Variants in CA5A observed in about 807,000 individuals in gnomAD.
CA5A encodes the protein carbonic anhydrase 5A, mitochondrial.
CA5A carries 28 observed loss-of-function variants against 37.1 expected under a neutral mutation model. The observed-to-expected ratio is 0.75, with a 90% CI of 0.56 to 1.03. The LOEUF (loss-of-function observed/expected upper bound fraction) is 1.03, where lower values mean the gene tolerates loss of function less well. CA5A is among the 50% of genes least tolerant of loss of function. The pLI, the probability that CA5A is intolerant of heterozygous loss-of-function variation, is 0.00. For synonymous variants in CA5A, 171 were observed against 158.4 expected (o/e 1.08, Z -0.60); for missense variants, 444 against 399.9 (o/e 1.11, Z -0.94).
At chr16:87,917,729 A>ATGTATACACAGTG (rs1567530486) in intron 2 of CA5A, among the ~76,000 whole-genome samples, 2,871 of 125,972 alleles carry the variant, frequency 0.023, 43 homozygotes, top group African/African-American at 0.057. Flanking sequence ...ACGTGCACAC[A>ATGTATACACAGTG]CACATGAACA....
intron 2 of CA5A, among the ~76,000 whole-genome samples, chr16:87,917,550 A>G (rs1567530241): frequency 6.6e-6 from 1 of 152,242 alleles, no homozygotes; most frequent in Non-Finnish European, 1.5e-5. Context: ...GAGGGAAGAA[A>G]CAGGAGCTAC....
At chr16:87,922,992 G>A (rs937007507) in intron 2 of CA5A, among the ~76,000 whole-genome samples, 1 of 152,236 alleles carries the variant, frequency 6.6e-6, no homozygotes, top group Admixed American at 6.5e-5. Flanking sequence ...TGGTGCAAGT[G>A]AAGCCCTTGG....
rs965963849 is a variant in CA5A, at chr16:87,894,138, A to AT, written c.619-2185dup. The stretch of plus-strand genomic sequence containing the variant: ...CTATTTATAACTTTTTATTTTTTTT[A>AT]TTTTTTTTGAGGCAGAGTCTCACTC... On this transcript the variant is annotated intron_variant, in intron 5 of 6. Transcript: ENST00000649794. 2.4e-3 allele frequency among the ~76,000 whole-genome samples: 362 copies of AT among 151,192 alleles called. 8 individuals carry two copies. The highest frequency in any genetic ancestry group is 4.9e-4 in the Non-Finnish European group (33 of 67,752).
chr16:87,906,724 G>A (rs2055967074), intron 2 of CA5A, among the ~76,000 whole-genome samples: 1 of 152,192 alleles, frequency 6.6e-6, no homozygotes, highest in Non-Finnish European at 1.5e-5. Flanking sequence ...GCAAGTGCTG[G>A]ACCAAGCCAC....
chr16:87,897,078 G>C (rs2055813545), intron 5 of CA5A, among the ~76,000 whole-genome samples: 1 of 152,244 alleles, frequency 6.6e-6, no homozygotes, highest in Non-Finnish European at 1.5e-5. Flanking sequence ...TGGCGGTAAT[G>C]GGCTTCCATC....
At chr16:87,914,832 G>A (rs1460909136) in intron 2 of CA5A, among the ~76,000 whole-genome samples, 6 of 152,330 alleles carry the variant, frequency 3.9e-5, no homozygotes, top group Non-Finnish European at 7.4e-5. Context: ...CCTAGGCAAG[G>A]TTCTCATTCC....
At chr16:87,883,461 G>C (rs576980648), downstream of CA5A, 2 of 150,888 alleles carry the variant, frequency 1.3e-5, no homozygotes, top group African/African-American at 4.9e-5. Context: ...CTCCCGAGTC[G>C]CTGGGACTAC....
chr16:87,898,574 G>C (rs191724892), intron 5 of CA5A, among the ~76,000 whole-genome samples: 3 of 152,148 alleles, frequency 2.0e-5, no homozygotes, highest in Non-Finnish European at 4.4e-5. Flanking sequence ...GTGGATTTTC[G>C]TTTCGTGACG....
At chr16:87,888,981 G>A (rs553350774) in intron 6 of CA5A, among the ~76,000 whole-genome samples, 1 of 149,914 alleles carries the variant, frequency 6.7e-6, no homozygotes, top group South Asian at 2.1e-4. Context: ...GTGCAATGGT[G>A]TGATCTTTGC....
At chr16:87,915,689 CAAAAAAA>C (rs10593708) in intron 2 of CA5A, among the ~76,000 whole-genome samples, 55 of 83,618 alleles carry the variant, frequency 6.6e-4, no homozygotes, top group African/African-American at 1.1e-3. Flanking sequence ...ATCCTGTCTC[CAAAAAAA>C]AAAAAAAAAA....
At chr16:87,901,102 C>T (rs2055871520) in intron 5 of CA5A, among the ~76,000 whole-genome samples, 2 of 152,110 alleles carry the variant, frequency 1.3e-5, no homozygotes, top group Admixed American at 6.6e-5. Flanking sequence ...TGGTGGCGCA[C>T]ACCTATTGTC....
At chr16:87,887,812 C>A (rs2055660831), downstream of CA5A, 2 of 238,742 alleles carry the variant, frequency 8.4e-6, no homozygotes, top group South Asian at 1.9e-4. Flanking sequence ...TGGTGTCGGG[C>A]TTCTGGCTCA....
chr16:87,916,958 A>T (rs1216994528), intron 2 of CA5A, among the ~76,000 whole-genome samples: 1 of 152,022 alleles, frequency 6.6e-6, no homozygotes, highest in African/African-American at 2.4e-5. Context: ...AACAAAAATT[A>T]GCCAGGCGTG....
At position 87,929,982 on chromosome 16, in the gene CA5A, G is replaced by T. The variant is rs114157286; in HGVS notation, c.143-3037C>A. Among the ~76,000 whole-genome samples the T allele has an allele frequency of 6.8e-3, 1,029 of 151,032 alleles. 7 individuals carry two copies. The highest frequency in any genetic ancestry group is 0.02 in the African/African-American group (817 of 41,028). ...ATCGCAGAATGTTTGTTCTAAAATCGCATCTTTTCTACTCGTCAGTGTTAA... is the reference window on the plus strand; with the variant it reads ...ATCGCAGAATGTTTGTTCTAAAATCTCATCTTTTCTACTCGTCAGTGTTAA... On this transcript the variant is annotated intron_variant, in intron 1 of 6. Transcript: ENST00000649794.
chr16:87,930,828 A>G (rs1191903699), intron 1 of CA5A, among the ~76,000 whole-genome samples: 2 of 149,696 alleles, frequency 1.3e-5, no homozygotes, highest in Non-Finnish European at 1.5e-5. Context: ...GCAAGCTCCA[A>G]CTCCCTGGTT....
At chr16:87,912,513 G>T (rs1177753724) in intron 2 of CA5A, among the ~76,000 whole-genome samples, 1 of 152,208 alleles carries the variant, frequency 6.6e-6, no homozygotes, top group Non-Finnish European at 1.5e-5. Context: ...AAGAAGAAAA[G>T]TCCCTCATTC....
chr16:87,925,069 G>A (rs995306562), intron 2 of CA5A, among the ~76,000 whole-genome samples: 10 of 152,204 alleles, frequency 6.6e-5, no homozygotes, highest in African/African-American at 1.9e-4. Context: ...CTGCCCCAGC[G>A]GAGTTACATC....
At chr16:87,896,695 C>T (rs1269236907) in intron 5 of CA5A, among the ~76,000 whole-genome samples, 1 of 152,234 alleles carries the variant, frequency 6.6e-6, no homozygotes, top group Non-Finnish European at 1.5e-5. Flanking sequence ...GGCTGGAGTG[C>T]AATGGCACGA....
downstream of CA5A, chr16:87,885,771 C>A (rs368802905): frequency 1.3e-5 from 2 of 152,452 alleles, no homozygotes; most frequent in Admixed American, 1.3e-4. Flanking sequence ...CCACGTGGTT[C>A]ACTCCTCCTT....
Sources: allele counts gnomAD v4.1 joint callset (sites outside exome capture counted in the v4.1 genomes callset), GRCh38; gene constraint gnomAD v4.1.1; transcripts MANE v1.5; gene names NCBI Gene and HGNC (gene_info 2026-07-23, HGNC 2026-07-21).